Variants in AKT3 observed in about 807,000 individuals in gnomAD.
The protein encoded by AKT3 is AKT serine/threonine kinase 3, also known as RAC-gamma serine/threonine-protein kinase.
A neutral mutation model predicts 65.3 loss-of-function variants in AKT3; 15 were observed. The ratio of observed to expected loss-of-function variants is 0.23; its 90% CI spans 0.15 to 0.35. The LOEUF (loss-of-function observed/expected upper bound fraction) is 0.35. Ranked by LOEUF, AKT3 falls within the 10% of genes least tolerant of loss-of-function variation. The pLI is 1.00. For synonymous variants in AKT3, 206 were observed against 183.8 expected (o/e 1.12, Z -0.98); for missense variants, 243 against 576.5 (o/e 0.42, Z 5.92).
chr1:243,772,988 G>A (rs1477323777), intron 2 of AKT3, among the ~76,000 whole-genome samples: 46 of 138,318 alleles, frequency 3.3e-4, no homozygotes, highest in Admixed American at 2.4e-4. Context: ...AATGAACAAT[G>A]AGAACACTTG....
In AKT3 at chr1:243,648,890, T is replaced by C. The variant is rs546347970; in HGVS notation, c.285-2853A>G. Among the ~76,000 whole-genome samples, 7 of 152,252 alleles carry C rather than the reference T, an allele frequency of 4.6e-5. No homozygotes were observed. The East Asian group carries it at 1.2e-3, about 25-fold the overall frequency. The stretch of plus-strand genomic sequence containing the variant: ...ACTTTTGGTTTTATTAATTATTCTC[T>C]ACTATTTTTCTGTTTTCTATTTCAC... On this transcript the variant is annotated intron_variant, in intron 4 of 13. Transcript: ENST00000673466.
chr1:243,709,684 C>A (rs998516199), intron 2 of AKT3, among the ~76,000 whole-genome samples: 7 of 151,944 alleles, frequency 4.6e-5, no homozygotes, highest in Admixed American at 4.6e-4. Flanking sequence ...GAACATACTA[C>A]AAATTCAGGG....
intron 2 of AKT3, among the ~76,000 whole-genome samples, chr1:243,801,067 G>A (rs1692352295): frequency 1.3e-5 from 2 of 152,128 alleles, no homozygotes; most frequent in African/African-American, 4.8e-5. Context: ...TCACTGGTGT[G>A]CTAATTGACT....
chr1:243,698,268 T>C (rs1685186133), intron 2 of AKT3, among the ~76,000 whole-genome samples: 2 of 152,090 alleles, frequency 1.3e-5, no homozygotes, highest in South Asian at 4.1e-4. Flanking sequence ...ATGCTGTAAC[T>C]CTGTAAAGGT....
intron 6 of AKT3, among the ~76,000 whole-genome samples, 173 bp from the exon 7 acceptor site, chr1:243,615,334 C>A (rs1294481572): frequency 4.6e-5 from 7 of 152,086 alleles, no homozygotes; most frequent in East Asian, 1.9e-4. Context: ...TACAAAAAAA[C>A]TCAAATTAAT....
chr1:243,581,931 A>G (rs1457929866), intron 8 of AKT3, among the ~76,000 whole-genome samples: 2 of 152,204 alleles, frequency 1.3e-5, no homozygotes, highest in East Asian at 1.9e-4. Flanking sequence ...AATTCACATA[A>G]GGAATTTCAA....
At chr1:243,584,151 C>A (rs1230112895) in intron 8 of AKT3, among the ~76,000 whole-genome samples, 1 of 151,956 alleles carries the variant, frequency 6.6e-6, no homozygotes, top group Non-Finnish European at 1.5e-5. Context: ...ACAACTTATC[C>A]CACAGGAATA....
intron 12 of AKT3, among the ~76,000 whole-genome samples, chr1:243,536,271 T>C (rs980351599): frequency 6.6e-6 from 1 of 152,146 alleles, no homozygotes; most frequent in Non-Finnish European, 1.5e-5. Flanking sequence ...GTATTTGCTT[T>C]TGGGGACTTA....
chr1:243,789,528 G>A (rs1043054544), intron 2 of AKT3, among the ~76,000 whole-genome samples: 3 of 152,190 alleles, frequency 2.0e-5, no homozygotes, highest in Admixed American at 2.0e-4. Context: ...CACATCTGCA[G>A]TTACTTTCTT....
At chr1:243,700,884 T>C (rs1315879054) in intron 2 of AKT3, among the ~76,000 whole-genome samples, 1 of 152,166 alleles carries the variant, frequency 6.6e-6, no homozygotes, top group Non-Finnish European at 1.5e-5. Context: ...AAGATCTGGA[T>C]AGGATATTCA....
At chr1:243,682,422 T>C (rs558883464) in intron 3 of AKT3, among the ~76,000 whole-genome samples, 29 of 152,260 alleles carry the variant, frequency 1.9e-4, no homozygotes, top group African/African-American at 7.0e-4. Context: ...TAAAATGGAG[T>C]ATTTATTTGT....
intron 4 of AKT3, among the ~76,000 whole-genome samples, chr1:243,652,423 T>C (rs1681422178): frequency 6.6e-6 from 1 of 152,074 alleles, no homozygotes; most frequent in African/African-American, 2.4e-5. Context: ...AAGCAAATGC[T>C]GAGAGGTTTT....
At chr1:243,584,790 T>C (rs983272532) in intron 8 of AKT3, among the ~76,000 whole-genome samples, 2 of 152,020 alleles carry the variant, frequency 1.3e-5, no homozygotes, top group Non-Finnish European at 2.9e-5. Flanking sequence ...ACAGCCAACA[T>C]CATACTGAAC....
At chr1:243,741,259 TTGTTTCTC>T (rs1349817002) in intron 2 of AKT3, among the ~76,000 whole-genome samples, 1 of 152,204 alleles carries the variant, frequency 6.6e-6, no homozygotes, top group Admixed American at 6.5e-5. Context: ...TTTTGTTTCC[TTGTTTCTC>T]TGTTTCTCTC....
chr1:243,545,303 A>C (rs1289002223), intron 12 of AKT3, among the ~76,000 whole-genome samples: 2 of 152,230 alleles, frequency 1.3e-5, no homozygotes, highest in African/African-American at 4.8e-5. Context: ...TTCTGTGATC[A>C]TGTTGAGCAA....
At chr1:243,828,262 A>G (rs1694295786) in intron 2 of AKT3, among the ~76,000 whole-genome samples, 1 of 152,186 alleles carries the variant, frequency 6.6e-6, no homozygotes, top group African/African-American at 2.4e-5. Context: ...ATCACACATT[A>G]TGAGCTTGGA....
rs1484249229 is a variant in AKT3 at position 243,525,125 on chromosome 1, ATC to A, written c.1252-12701_1252-12700del. 2.0e-5 allele frequency among the ~76,000 whole-genome samples: 3 copies of A among 152,134 alleles called. No individual in the cohort carries two copies. In the South Asian group the frequency reaches 6.2e-4, roughly 32 times the overall value. The stretch of plus-strand genomic sequence containing the variant: ...AAATCTCAGTATAAAGTCTGCCCAG[ATC>A]TCTGACTCTTGAACCACACATGCAC... On this transcript the variant is annotated intron_variant, in intron 12 of 13. Transcript: ENST00000673466.
chr1:243,620,165 C>G lies in AKT3; in HGVS notation c.562-5004G>C, dbSNP rs1678627875. ...GATAGTGAGTGAATTCTTAGGAGCT[C>G]TGATGGTTTTATAAGTGTCTGACAG... On this transcript the variant is annotated intron_variant, in intron 6 of 13. Coordinates refer to ENST00000673466, the MANE Select transcript of AKT3 (RefSeq NM_005465.7). Among the ~76,000 whole-genome samples the G allele has an allele frequency of 3.1e-5, 3 of 97,482 alleles. 1 individual carries two copies. Among genetic ancestry groups the G allele is most frequent in the African/African-American group, 7.9e-5 (3 of 37,862 alleles). The allele number at this position is 97,482 out of a possible 152,430, so 64.0% of individuals were successfully genotyped here.
chr1:243,714,498 C>T (rs1448136216), intron 2 of AKT3, among the ~76,000 whole-genome samples: 1 of 152,120 alleles, frequency 6.6e-6, no homozygotes, highest in African/African-American at 2.4e-5. Flanking sequence ...AATAATTTTT[C>T]AGAAAGATCA....
Sources: gnomAD v4.1 joint callset for allele counts (sites outside exome capture counted in the v4.1 genomes callset) on GRCh38, gnomAD v4.1.1 for gene constraint, MANE v1.5 for transcripts, NCBI Gene and HGNC (gene_info 2026-07-23, HGNC 2026-07-21) for gene names.